PAPSS1: variants seen among roughly 807,000 people sequenced by gnomAD.
PAPSS1 encodes the protein 3'-phosphoadenosine 5'-phosphosulfate synthase 1, also known as bifunctional 3'-phosphoadenosine 5'-phosphosulfate synthase 1.
A neutral mutation model predicts 72.0 loss-of-function variants in PAPSS1; 50 were observed. The observed-to-expected ratio is 0.69, with a 90% CI of 0.55 to 0.88. PAPSS1 has a LOEUF of 0.88. Among genes scored for constraint, PAPSS1 ranks in the 40% least tolerant of loss-of-function variants. The pLI is 0.00. For synonymous variants in PAPSS1, 261 were observed against 263.6 expected (o/e 0.99, Z 0.09); for missense variants, 657 against 782.2 (o/e 0.84, Z 1.91).
chr4:107,672,407 C>T (rs1727509267), intron 5 of PAPSS1, among the ~76,000 whole-genome samples: 1 of 152,210 alleles, frequency 6.6e-6, no homozygotes, highest in South Asian at 2.1e-4. Context: ...AAACAGCACA[C>T]CAGGAGAATT....
intron 5 of PAPSS1, among the ~76,000 whole-genome samples, chr4:107,681,577 C>G (rs574030822): frequency 1.9e-4 from 29 of 152,224 alleles, no homozygotes; most frequent in Non-Finnish European, 3.5e-4. Flanking sequence ...TCCACAGGTC[C>G]CTCTCTAGAA....
rs1560590253 is a variant in PAPSS1 at position 107,701,305 on chromosome 4, A to AG, written c.61-21_61-20insC. 2.6e-6 allele frequency: 4 copies of AG among 1,559,736 alleles called. No individual in the cohort carries two copies. The South Asian group carries it at 4.5e-5, about 18-fold the overall frequency. Reference sequence around the variant, plus strand: ...CATTCCCTAGAAAAAAAAGAAAAAAAAAATTCTAGTTTACATGAGTCCTTT... The same window carrying AG: ...CATTCCCTAGAAAAAAAAGAAAAAAAGAAATTCTAGTTTACATGAGTCCTTT... On this transcript the variant is annotated intron_variant, in intron 1 of 11. Transcript: ENST00000265174.
chr4:107,659,208 C>T (rs941095441), intron 6 of PAPSS1, among the ~76,000 whole-genome samples: 1 of 152,144 alleles, frequency 6.6e-6, no homozygotes, highest in Non-Finnish European at 1.5e-5. Context: ...AGAAAGTGTA[C>T]CAATATAATT....
At chr4:107,674,236 G>A (rs1326444200) in intron 5 of PAPSS1, among the ~76,000 whole-genome samples, 1 of 152,126 alleles carries the variant, frequency 6.6e-6, no homozygotes, top group Non-Finnish European at 1.5e-5. Flanking sequence ...GACACAGACT[G>A]GCAAATTGGA....
chr4:107,616,869 A>G (rs1035431784), intron 11 of PAPSS1, among the ~76,000 whole-genome samples: 11 of 152,194 alleles, frequency 7.2e-5, no homozygotes, highest in Non-Finnish European at 1.3e-4. Flanking sequence ...CTACTTCTAC[A>G]TTCCCTTTTA....
At chr4:107,698,321 G>A (rs1723120959) in intron 2 of PAPSS1, among the ~76,000 whole-genome samples, 2 of 152,158 alleles carry the variant, frequency 1.3e-5, no homozygotes, top group Non-Finnish European at 2.9e-5. Flanking sequence ...ACATATATAT[G>A]AAGGCTACAG....
At chr4:107,678,480 T>C (rs1289127237) in intron 5 of PAPSS1, among the ~76,000 whole-genome samples, 1 of 152,048 alleles carries the variant, frequency 6.6e-6, no homozygotes, top group Non-Finnish European at 1.5e-5. Context: ...AGCAGTGAGA[T>C]GAACTGCTTC....
chr4:107,639,930 T>TA (rs1294368068), intron 10 of PAPSS1, among the ~76,000 whole-genome samples: 1 of 152,198 alleles, frequency 6.6e-6, no homozygotes, highest in East Asian at 1.9e-4. Flanking sequence ...CAGTTTCTCT[T>TA]AAAGAGTCAA....
chr4:107,621,401 G>C (rs1290923046), intron 11 of PAPSS1, among the ~76,000 whole-genome samples: 3 of 151,966 alleles, frequency 2.0e-5, no homozygotes, highest in Non-Finnish European at 2.9e-5. Flanking sequence ...GAGAATAAAA[G>C]CAAACCACAC....
At chr4:107,702,575 T>A (rs1332379284) in intron 1 of PAPSS1, among the ~76,000 whole-genome samples, 1 of 152,156 alleles carries the variant, frequency 6.6e-6, no homozygotes, top group African/African-American at 2.4e-5. Flanking sequence ...AGGTGCAACT[T>A]TTTTAGATTC....
chr4:107,618,322 A>G (rs970994229), intron 11 of PAPSS1, among the ~76,000 whole-genome samples: 1 of 152,106 alleles, frequency 6.6e-6, no homozygotes, highest in Admixed American at 6.6e-5. Flanking sequence ...ATGATAAAAG[A>G]AAGAGATAGA....
rs1311320009 is a variant in PAPSS1, at chr4:107,687,195, T to C, written c.412-18A>G. On this transcript the variant is annotated intron_variant, in intron 3 of 11. Transcript: ENST00000265174. Reference sequence around the variant, plus strand: ...TTGCGATCCTTAAAAAAAAATAAAATAAAAAGTGATCACACAAATCACAAA... The same window carrying C: ...TTGCGATCCTTAAAAAAAAATAAAACAAAAAGTGATCACACAAATCACAAA... 2.6e-6 allele frequency: 4 copies of C among 1,534,252 alleles called. No homozygotes were observed. Among genetic ancestry groups the C allele is most frequent in the Non-Finnish European group, 3.5e-6 (4 of 1,148,616 alleles).
chr4:107,616,830 A>G (rs550461075), intron 11 of PAPSS1, among the ~76,000 whole-genome samples: 1 of 152,348 alleles, frequency 6.6e-6, no homozygotes, highest in East Asian at 1.9e-4. Context: ...AATACATAAT[A>G]TAAGAAATGT....
At chr4:107,676,738 G>A (rs1171977373) in intron 5 of PAPSS1, among the ~76,000 whole-genome samples, 1 of 152,118 alleles carries the variant, frequency 6.6e-6, no homozygotes, top group Non-Finnish European at 1.5e-5. Context: ...TCAATCCTAA[G>A]CCAAAAGAAC....
At chr4:107,680,163 A>C (rs533300631) in intron 5 of PAPSS1, among the ~76,000 whole-genome samples, 2 of 152,308 alleles carry the variant, frequency 1.3e-5, no homozygotes, top group South Asian at 4.1e-4. Context: ...ATAATGGCCA[A>C]GAATTTTCAA....
At chr4:107,653,068 T>C (rs1396823315) in intron 9 of PAPSS1, among the ~76,000 whole-genome samples, 1 of 150,082 alleles carries the variant, frequency 6.7e-6, no homozygotes, top group East Asian at 2.0e-4. Flanking sequence ...TGAATATATA[T>C]ATGAATACAT....
intron 5 of PAPSS1, among the ~76,000 whole-genome samples, chr4:107,670,934 A>G (rs908885640): frequency 6.6e-6 from 1 of 152,222 alleles, no homozygotes; most frequent in African/African-American, 2.4e-5. Context: ...ACACTTTAGA[A>G]AGATTACTTT....
At chr4:107,663,054 G>C (rs1043822057) in intron 5 of PAPSS1, among the ~76,000 whole-genome samples, 1 of 152,172 alleles carries the variant, frequency 6.6e-6, no homozygotes, top group East Asian at 1.9e-4. Context: ...TTCTATGCTA[G>C]GGGGAGAAAA....
At chr4:107,696,265 C>T (rs914298110) in intron 2 of PAPSS1, among the ~76,000 whole-genome samples, 21 of 152,172 alleles carry the variant, frequency 1.4e-4, no homozygotes, top group African/African-American at 4.8e-4. Flanking sequence ...TATAAAGATA[C>T]ACGCACATGT....
Sources: allele counts gnomAD v4.1 joint callset (sites outside exome capture counted in the v4.1 genomes callset), GRCh38; gene constraint gnomAD v4.1.1; transcripts MANE v1.5; gene names NCBI Gene and HGNC (gene_info 2026-07-23, HGNC 2026-07-21).